The following NOC3L variants were observed in gnomAD, a reference collection of about 807,000 sequenced individuals.
NOC3L encodes the protein NOC3 like DNA replication regulator.
In NOC3L, 85 loss-of-function variants were observed where a neutral mutation model predicts 102.5. The observed-to-expected ratio is 0.83, with a 90% CI of 0.70 to 0.99. The LOEUF (loss-of-function observed/expected upper bound fraction) is 0.99, where lower values mean the gene tolerates loss of function less well. Among genes scored for constraint, NOC3L ranks in the 50% least tolerant of loss-of-function variants. The probability of loss-of-function intolerance (pLI) is 0.00; values close to 1 mark genes in which losing one functional copy is unlikely to be tolerated. For missense variants in NOC3L, 878 were observed against 914.9 expected, an observed-to-expected ratio of 0.96 and a Z score of 0.52; for synonymous variants, 303 against 309.4, an observed-to-expected ratio of 0.98 and a Z score of 0.22.
At chr10:94,341,551 T>G in intron 14 of NOC3L, 122 bp downstream of exon 14, 1 of 450,580 alleles carries the variant, frequency 2.2e-6, no homozygotes, top group Non-Finnish European at 3.9e-6. Context: ...TTGTCAAAAT[T>G]CATAAACTGT....
intron 2 of NOC3L, among the ~76,000 whole-genome samples, chr10:94,359,189 C>T (rs1007546989): frequency 1.3e-5 from 2 of 152,130 alleles, no homozygotes; most frequent in Non-Finnish European, 2.9e-5. Context: ...CTTTGGGAGG[C>T]CGAGACGGGT....
At position 94,341,876 on chromosome 10, in the gene NOC3L, T is replaced by C. The variant is rs1469555474; in HGVS notation, c.1572-131A>G. On this transcript the variant is annotated intron_variant, in intron 13 of 20. Coordinates refer to ENST00000371361, the MANE Select transcript of NOC3L (RefSeq NM_022451.11). The stretch of plus-strand genomic sequence containing the variant: ...ATGTTAGCTATGAAAGACATGGCAA[T>C]TATTGATACTTTTCATTAATTCAGA... The C allele has an allele frequency of 1.2e-5, 6 of 503,630 alleles. No homozygotes were observed. The African/African-American group carries it at 1.2e-4, about 10-fold the overall frequency. 31.2% of individuals were successfully genotyped at this position (503,630 alleles called of 1,614,324 possible).
At chr10:94,360,065 C>T (rs2054534928) in intron 2 of NOC3L, among the ~76,000 whole-genome samples, 1 of 152,134 alleles carries the variant, frequency 6.6e-6, no homozygotes, top group Non-Finnish European at 1.5e-5. Context: ...CGCCTGTAAT[C>T]CCAGCACTTT....
the NOC3L span, chr10:94,316,531 TTCAC>T: frequency 6.3e-7 from 1 of 1,578,290 alleles, no homozygotes; most frequent in Non-Finnish European, 8.7e-7. Flanking sequence ...TCAGTTTGCC[TTCAC>T]TTTTTCTTTA....
chr10:94,339,837 G>C lies in NOC3L; in HGVS notation c.1864C>G (p.Arg622Gly), dbSNP rs1218217629. 1.2e-6 allele frequency: 2 copies of C among 1,614,116 alleles called. No homozygotes were observed. Among genetic ancestry groups the C allele is most frequent in the Non-Finnish European group, 1.7e-6 (2 of 1,179,972 alleles). ...AGGCGTTTGATGAAGGCAAGAGCTC[G>C]CTGCTGAGAAACTTGCTTTCTGCGC... ...TKRRKQVSQQ[R>G]ALAFIKRLCT... The change falls in exon 17 of 21, where the codon CGA becomes GGA. Residue 622 changes from arginine (R) to glycine (G), a missense_variant. Physicochemically the swap from Arg to Gly is moderately radical, Grantham distance 125. Coordinates refer to ENST00000371361, the MANE Select transcript of NOC3L (RefSeq NM_022451.11).
chr10:94,341,985 A>C (rs1399501194), intron 13 of NOC3L, among the ~76,000 whole-genome samples: 1 of 152,244 alleles, frequency 6.6e-6, no homozygotes, highest in Non-Finnish European at 1.5e-5. Flanking sequence ...AAAATATTTC[A>C]AAAATCCTTC....
chr10:94,360,094 G>A (rs1198404420), intron 2 of NOC3L, among the ~76,000 whole-genome samples: 1 of 152,154 alleles, frequency 6.6e-6, no homozygotes, highest in Non-Finnish European at 1.5e-5. Flanking sequence ...AAGGCGGGCA[G>A]ATCACGAGAT....
chr10:94,337,922 C>CA (rs770108612), intron 18 of NOC3L, 48 bp from the exon 19 acceptor site: 22 of 1,348,744 alleles, frequency 1.6e-5, no homozygotes, highest in Admixed American at 1.9e-5. Context: ...CAGTCCTTTA[C>CA]AAAAAACACT....
chr10:94,327,158 C>G, the NOC3L span, among the ~76,000 whole-genome samples: 1 of 152,180 alleles, frequency 6.6e-6, no homozygotes, highest in East Asian at 1.9e-4. Flanking sequence ...GAGACTCCGT[C>G]TCAAAACAAA....
chr10:94,328,685 AC>A (rs2054117389), downstream of NOC3L: 2 of 152,226 alleles, frequency 1.3e-5, no homozygotes, highest in Non-Finnish European at 2.9e-5. Context: ...ATGTCCTATA[AC>A]ATAAGAGTCA....
rs115317884 is a variant in NOC3L, at chr10:94,362,501, C to T, written c.9+329G>A. Among the ~76,000 whole-genome samples, 1,075 of 152,274 alleles carry T rather than the reference C, an allele frequency of 7.1e-3. 10 individuals carry two copies. The highest frequency in any genetic ancestry group is 0.024 in the African/African-American group (1,015 of 41,550). ...TCTATCTCTTTACCCTTCATGGGTA[C>T]CGTGACTCACATTATAAACTCGCTG... is the stretch of plus-strand genomic sequence containing the variant. On this transcript the variant is annotated intron_variant, in intron 1 of 20. Coordinates refer to ENST00000371361, the MANE Select transcript of NOC3L (RefSeq NM_022451.11).
At position 94,340,688 on chromosome 10, in the gene NOC3L, C is replaced by T. The variant is rs1045648321; in HGVS notation, c.1645-192G>A. 2.6e-5 allele frequency among the ~76,000 whole-genome samples: 4 copies of T among 151,980 alleles called. No homozygotes were observed. The South Asian group carries it at 6.2e-4, about 24-fold the overall frequency. The stretch of plus-strand genomic sequence containing the variant: ...ACCAGCTTGGGCAACATGGCAAAAA[C>T]CCATCTCTCAGGGCCGGGCGCGGTG... On this transcript the variant is annotated intron_variant, in intron 14 of 20. Transcript: ENST00000371361.
chr10:94,347,805 T>C lies in NOC3L; in HGVS notation c.1258-1249A>G, dbSNP rs370563689. 4.6e-5 allele frequency among the ~76,000 whole-genome samples: 7 copies of C among 152,204 alleles called. No homozygotes were observed. The East Asian group carries it at 5.8e-4, about 13-fold the overall frequency. Reference sequence around the variant, plus strand: ...ATATTCTTGAATAGAAAAAAATCAATTCTGTAAATATTTTAATTCATCCAA... The same window carrying C: ...ATATTCTTGAATAGAAAAAAATCAACTCTGTAAATATTTTAATTCATCCAA... On this transcript the variant is annotated intron_variant, in intron 10 of 20. Transcript: ENST00000371361.
chr10:94,334,446 T>C (rs2133980844), intron 20 of NOC3L, 141 bp from the exon 21 acceptor site: 3 of 660,286 alleles, frequency 4.5e-6, no homozygotes, highest in East Asian at 5.3e-5. Flanking sequence ...CTTGGACATA[T>C]CCTATATTGA....
chr10:94,341,633 AC>A lies in NOC3L; in HGVS notation c.1644+39del, dbSNP rs774907085. On this transcript the variant is annotated intron_variant, in intron 14 of 20. Transcript: ENST00000371361. ...CTGAAAAATTTTTAAAATAGTAATT[AC>A]CATTTATATCTTTTAAAAAATAATT... The A allele has an allele frequency of 4.6e-6, 5 of 1,084,654 alleles. No individual in the cohort carries two copies. In the South Asian group the frequency reaches 9.5e-5, roughly 21 times the overall value. 67.2% of individuals were successfully genotyped at this position (1,084,654 alleles called of 1,614,324 possible).
At chr10:94,317,821 T>C in the NOC3L span, among the ~76,000 whole-genome samples, 1 of 152,172 alleles carries the variant, frequency 6.6e-6, no homozygotes, top group Non-Finnish European at 1.5e-5. Flanking sequence ...CAGTCATGCG[T>C]CATGACATGT....
chr10:94,321,758 A>G, the NOC3L span: 52 of 653,820 alleles, frequency 8.0e-5, no homozygotes, highest in Non-Finnish European at 8.0e-6. Context: ...AGAACAGTTT[A>G]TGAAATAATA....
Position 94,337,867 on chromosome 10 carries a change from T to A in NOC3L, c.2099A>T (p.Tyr700Phe), listed in dbSNP as rs903425983. The stretch of plus-strand genomic sequence containing the variant: ...TGCAAATCTCTGCACTATGGGATGA[T>A]AATGCCTCTGAAGGGAAAACGGGAC... ...LWELHALRRH[Y>F]HPIVQRFAAH... is the part of the protein sequence containing the mutation. The change falls in exon 19 of 21, where the codon TAT (tyrosine) becomes TTT (phenylalanine). Residue 700 changes from tyrosine (Y) to phenylalanine (F), a missense_variant. By Grantham distance (22) the Tyr-to-Phe change is conservative. Coordinates refer to ENST00000371361, the MANE Select transcript of NOC3L (RefSeq NM_022451.11). 6.2e-7 allele frequency: 1 copy of A among 1,613,308 alleles called. No individual in the cohort carries two copies. Among genetic ancestry groups the A allele is most frequent in the Non-Finnish European group, 8.5e-7 (1 of 1,179,286 alleles).
chr10:94,321,842 GTCTTTCTT>G, the NOC3L span: 1 of 1,346,870 alleles, frequency 7.4e-7, no homozygotes, highest in East Asian at 2.3e-5. Flanking sequence ...TGCTAGATTT[GTCTTTCTT>G]TATTCTGCAT....
Sources: allele counts gnomAD v4.1 joint callset (sites outside exome capture counted in the v4.1 genomes callset), GRCh38; gene constraint gnomAD v4.1.1; transcripts MANE v1.5; gene names NCBI Gene and HGNC (gene_info 2026-07-23, HGNC 2026-07-21).